The following RUNX1T1 variants were observed in gnomAD, a reference collection of about 807,000 sequenced individuals.
RUNX1T1 encodes the protein RUNX1 partner transcriptional co-repressor 1, also known as protein CBFA2T1.
In RUNX1T1, 4 loss-of-function variants were observed where a neutral mutation model predicts 62.8. The observed-to-expected ratio is 0.06, with a 90% CI of 0.03 to 0.15. The LOEUF (loss-of-function observed/expected upper bound fraction) is 0.15, where lower values mean the gene tolerates loss of function less well. RUNX1T1 is among the 10% of genes least tolerant of loss of function. RUNX1T1 has a pLI of 1.00. For synonymous variants in RUNX1T1, 291 were observed against 286.0 expected (o/e 1.02, Z -0.18); for missense variants, 508 against 754.3 (o/e 0.67, Z 3.82).
intron 5 of RUNX1T1, among the ~76,000 whole-genome samples, chr8:91,995,979 T>C (rs1818582222): frequency 6.6e-6 from 1 of 152,166 alleles, no homozygotes; most frequent in Non-Finnish European, 1.5e-5. Context: ...TAGAAATGCC[T>C]ACAACTACCT....
intron 1 of RUNX1T1, among the ~76,000 whole-genome samples, chr8:92,026,181 C>T (rs1306213527): frequency 1.3e-5 from 2 of 152,164 alleles, no homozygotes; most frequent in East Asian, 3.8e-4. Flanking sequence ...GCATATTTTA[C>T]ATTTTACAAG....
Position 91,986,109 on chromosome 8 carries a change from C to T in RUNX1T1, c.1198+15G>A. 1 of 1,580,960 alleles carries T rather than the reference C, an allele frequency of 6.3e-7. No individual in the cohort carries two copies. Among genetic ancestry groups the T allele is most frequent in the Middle Eastern group, 1.7e-4 (1 of 5,986 alleles). ...AAATATGTGTTTTCGAGATACTCAT[C>T]TGAAGAAAAGTTACCTAGTGCAACT... is the stretch of plus-strand genomic sequence containing the variant. On this transcript the variant is annotated intron_variant, in intron 8 of 10. Coordinates refer to ENST00000396218, the Ensembl canonical transcript of RUNX1T1.
rs564870083 is a variant in RUNX1T1, at chr8:92,039,207, A to G, written c.8-21844T>C. Reference sequence around the variant, plus strand: ...TGAAGGGCAGTGATGAGGTTTCACTATGTTGCCCAGGCTGGTCTCGAACTC... The same window carrying G: ...TGAAGGGCAGTGATGAGGTTTCACTGTGTTGCCCAGGCTGGTCTCGAACTC... On this transcript the variant is annotated intron_variant, in intron 1 of 10. Coordinates refer to ENST00000396218, the Ensembl canonical transcript of RUNX1T1. 1.0e-4 allele frequency among the ~76,000 whole-genome samples: 15 copies of G among 146,998 alleles called. No individual in the cohort carries two copies. The South Asian group carries it at 2.1e-3, about 21-fold the overall frequency.
intron 1 of RUNX1T1, chr8:92,095,273 C>T: frequency 6.6e-7 from 1 of 1,516,496 alleles, no homozygotes; most frequent in East Asian, 2.5e-5. Context: ...AAAGCCGCCT[C>T]CCCACGCCCC....
chr8:91,991,065 C>A (rs566793771), intron 6 of RUNX1T1, among the ~76,000 whole-genome samples: 1 of 152,092 alleles, frequency 6.6e-6, no homozygotes, highest in Admixed American at 6.5e-5. Flanking sequence ...GATCCTTGAC[C>A]CAAAACTGTC....
chr8:92,040,817 A>T (rs1407747111), intron 1 of RUNX1T1, among the ~76,000 whole-genome samples: 1 of 152,156 alleles, frequency 6.6e-6, no homozygotes, highest in African/African-American at 2.4e-5. Flanking sequence ...GGGCAGGAGG[A>T]TCACTTGTGC....
At chr8:92,050,303 T>G (rs574903962) in intron 1 of RUNX1T1, among the ~76,000 whole-genome samples, 6 of 152,174 alleles carry the variant, frequency 3.9e-5, no homozygotes, top group Non-Finnish European at 8.8e-5. Flanking sequence ...AGTGCTACTA[T>G]CATGGTAATA....
At chr8:92,098,432 T>C (rs1837886326) in intron 1 of RUNX1T1, among the ~76,000 whole-genome samples, 1 of 152,212 alleles carries the variant, frequency 6.6e-6, no homozygotes, top group Non-Finnish European at 1.5e-5. Flanking sequence ...CTACTTCATC[T>C]GCATTTCAGA....
In RUNX1T1 at chr8:92,075,856, G is replaced by A. The variant is rs557131216; in HGVS notation, c.88+109C>T. On this transcript the variant is annotated intron_variant, in intron 2 of 11. Transcript: ENST00000265814. ...ACATACAATAGAACAGGCACTAGAA[G>A]AAGGAAGAAAAAAGAAAATCTTTAC... 6.9e-6 allele frequency: 7 copies of A among 1,011,110 alleles called. No homozygotes were observed. In the Middle Eastern group the frequency reaches 1.2e-3, roughly 177 times the overall value. The allele number at this position is 1,011,110 out of a possible 1,614,324, so 62.6% of individuals were successfully genotyped here.
At chr8:91,955,337 A>G (rs1173127686), downstream of RUNX1T1, 1 of 227,142 alleles carries the variant, frequency 4.4e-6, no homozygotes, top group Non-Finnish European at 8.7e-6. Flanking sequence ...AGAGAAAATA[A>G]GATGCAGTAA....
At chr8:92,003,079 T>C (rs907593418) in intron 5 of RUNX1T1, among the ~76,000 whole-genome samples, 89 of 152,184 alleles carry the variant, frequency 5.8e-4, no homozygotes, top group African/African-American at 2.0e-3. Context: ...TGATAAAGAA[T>C]GTTCCATCCA....
chr8:92,067,163 G>A (rs1832997083), upstream of RUNX1T1, among the ~76,000 whole-genome samples: 1 of 152,182 alleles, frequency 6.6e-6, no homozygotes, highest in East Asian at 1.9e-4. Flanking sequence ...CAATGAGATG[G>A]AGTCAAGTAA....
At chr8:92,079,610 T>C (rs1834930673) in intron 1 of RUNX1T1, among the ~76,000 whole-genome samples, 1 of 152,186 alleles carries the variant, frequency 6.6e-6, no homozygotes, top group African/African-American at 2.4e-5. Context: ...TCCTTAAGCT[T>C]CCATGCATAC....
downstream of RUNX1T1, chr8:91,958,525 G>C (rs1809702105): frequency 5.5e-6 from 1 of 183,202 alleles, no homozygotes; most frequent in African/African-American, 2.4e-5. Flanking sequence ...TTTTACTTTT[G>C]TAAAATTAGA....
intron 1 of RUNX1T1, among the ~76,000 whole-genome samples, chr8:92,036,950 T>C (rs972116801): frequency 1.3e-5 from 2 of 152,186 alleles, no homozygotes; most frequent in Middle Eastern, 3.2e-3. Flanking sequence ...AGGCTCAATG[T>C]CCTGAGCTTC....
At chr8:91,970,812 G>A (rs776165201) in exon 10 of RUNX1T1, 20 of 1,611,842 alleles carry the variant, frequency 1.2e-5, no homozygotes, top group African/African-American at 5.3e-5. Context: ...CTGCAGCTCC[G>A]TCATCGCCTG....
chr8:91,983,390 C>T (rs1369899002), intron 8 of RUNX1T1, among the ~76,000 whole-genome samples: 2 of 152,092 alleles, frequency 1.3e-5, no homozygotes, highest in African/African-American at 2.4e-5. Flanking sequence ...CTCCCCTGTG[C>T]AGTCCCCAAA....
intron 8 of RUNX1T1, among the ~76,000 whole-genome samples, chr8:91,985,704 T>C (rs1161089244): frequency 6.6e-6 from 1 of 152,174 alleles, no homozygotes; most frequent in East Asian, 1.9e-4. Flanking sequence ...GAATTAATAA[T>C]TTGAAACATA....
At chr8:91,996,981 G>T (rs1818828157) in intron 5 of RUNX1T1, among the ~76,000 whole-genome samples, 1 of 149,616 alleles carries the variant, frequency 6.7e-6, no homozygotes, top group South Asian at 2.1e-4. Flanking sequence ...AAAAAAATTA[G>T]CCAGGCATGG....
Sources: allele counts gnomAD v4.1 joint callset (sites outside exome capture counted in the v4.1 genomes callset), GRCh38; gene constraint gnomAD v4.1.1; transcripts MANE v1.5; gene names NCBI Gene and HGNC (gene_info 2026-07-23, HGNC 2026-07-21).